The following GRID2 variants were observed in gnomAD, a reference collection of about 807,000 sequenced individuals.
GRID2 encodes glutamate receptor ionotropic, delta-2.
A neutral mutation model predicts 114.8 loss-of-function variants in GRID2; 33 were observed. The ratio of observed to expected loss-of-function variants is 0.29; its 90% CI spans 0.22 to 0.38. The LOEUF is 0.38. GRID2 is among the 10% of genes least tolerant of loss of function. The pLI, the probability that GRID2 is intolerant of heterozygous loss-of-function variation, is 1.00. For synonymous variants in GRID2, 505 were observed against 449.9 expected, an observed-to-expected ratio of 1.12 and a Z score of -1.55; for missense variants, 1,184 against 1,257.7, an observed-to-expected ratio of 0.94 and a Z score of 0.89.
chr4:93,407,778 ATCCTCCTCGTCCTCCTCCTCGTCC>A, intron 9 of GRID2, among the ~76,000 whole-genome samples: 1 of 58,678 alleles, frequency 1.7e-5, no homozygotes, highest in Non-Finnish European at 3.7e-5. Context: ...CCTCCTCCTC[ATCCTCCTCGTCCTCCTCCTCGTCC>A]TCCTCCTCTT....
intron 2 of GRID2, among the ~76,000 whole-genome samples, chr4:93,003,905 A>C (rs559823366): frequency 7.8e-4 from 118 of 152,112 alleles, no homozygotes; most frequent in African/African-American, 2.7e-3. Flanking sequence ...AAAGTTTCTG[A>C]AAACTAAAAG....
intron 14 of GRID2, among the ~76,000 whole-genome samples, chr4:93,731,177 G>A (rs1401832267): frequency 6.6e-6 from 1 of 152,176 alleles, no homozygotes; most frequent in African/African-American, 2.4e-5. Context: ...TATATGCAGT[G>A]CTCCATAAAT....
intron 14 of GRID2, among the ~76,000 whole-genome samples, chr4:93,695,991 C>T (rs1402131852): frequency 6.6e-6 from 1 of 152,144 alleles, no homozygotes; most frequent in African/African-American, 2.4e-5. Context: ...CTTGGTAAAA[C>T]CACACTATAA....
At chr4:93,690,812 T>C (rs1489865382) in intron 14 of GRID2, among the ~76,000 whole-genome samples, 2 of 151,304 alleles carry the variant, frequency 1.3e-5, no homozygotes, top group Non-Finnish European at 3.0e-5. Flanking sequence ...CATTCCAATA[T>C]AATGAAATGA....
At chr4:93,678,825 G>A (rs1259735678) in intron 14 of GRID2, among the ~76,000 whole-genome samples, 1 of 151,106 alleles carries the variant, frequency 6.6e-6, no homozygotes, top group African/African-American at 2.5e-5. Context: ...GCAAAATCAT[G>A]CCAAAATGTA....
chr4:93,690,574 T>C (rs1726470893), intron 14 of GRID2, among the ~76,000 whole-genome samples: 1 of 151,938 alleles, frequency 6.6e-6, no homozygotes, highest in Non-Finnish European at 1.5e-5. Flanking sequence ...GTCATGAGTA[T>C]ATTCTTGAGG....
At chr4:93,002,584 A>G (rs780296464) in intron 2 of GRID2, among the ~76,000 whole-genome samples, 26 of 151,684 alleles carry the variant, frequency 1.7e-4, no homozygotes, top group Non-Finnish European at 3.7e-4. Flanking sequence ...AAAAGAGAAA[A>G]TATCAAATTA....
At chr4:92,629,703 A>C (rs1354233181) in intron 2 of GRID2, among the ~76,000 whole-genome samples, 1 of 151,762 alleles carries the variant, frequency 6.6e-6, no homozygotes, top group African/African-American at 2.4e-5. Flanking sequence ...TATAAAAATT[A>C]GATTTTTAAA....
chr4:92,546,920 G>C (rs1160479566), intron 1 of GRID2, among the ~76,000 whole-genome samples: 2 of 152,132 alleles, frequency 1.3e-5, no homozygotes, highest in South Asian at 2.1e-4. Context: ...GTTGGTCTAG[G>C]CTCCCTACAT....
intron 1 of GRID2, among the ~76,000 whole-genome samples, chr4:92,473,237 A>G (rs536900496): frequency 2.0e-5 from 3 of 152,128 alleles, no homozygotes; most frequent in Admixed American, 6.5e-5. Flanking sequence ...TCTCCATTCT[A>G]CTTTATTGCT....
intron 1 of GRID2, among the ~76,000 whole-genome samples, chr4:92,463,715 A>G (rs999001404): frequency 1.3e-5 from 2 of 151,914 alleles, no homozygotes; most frequent in South Asian, 4.1e-4. Context: ...TTTTTTGTGT[A>G]GAGAATCTTG....
chr4:93,705,576 G>T (rs779182417), intron 14 of GRID2, among the ~76,000 whole-genome samples: 2 of 151,928 alleles, frequency 1.3e-5, no homozygotes, highest in Non-Finnish European at 2.9e-5. Context: ...ATATATTCTG[G>T]TTATTAATCC....
intron 1 of GRID2, among the ~76,000 whole-genome samples, chr4:92,436,147 C>G (rs1732725598): frequency 1.3e-5 from 2 of 152,120 alleles, no homozygotes; most frequent in African/African-American, 4.8e-5. Flanking sequence ...CAAAATTATT[C>G]TATTAAATTC....
chr4:93,632,550 C>T (rs187211370), intron 14 of GRID2, among the ~76,000 whole-genome samples: 251 of 152,098 alleles, frequency 1.7e-3, no homozygotes, highest in African/African-American at 5.3e-3. Context: ...TATTTCTGAG[C>T]GCTCTGTTCT....
intron 14 of GRID2, among the ~76,000 whole-genome samples, chr4:93,710,264 G>A (rs528765808): frequency 6.6e-6 from 1 of 152,250 alleles, no homozygotes. Flanking sequence ...TAAATCTTCG[G>A]TCAATGCAGC....
At chr4:93,069,503 C>T (rs1267602621) in intron 2 of GRID2, among the ~76,000 whole-genome samples, 3 of 151,694 alleles carry the variant, frequency 2.0e-5, no homozygotes, top group Non-Finnish European at 4.4e-5. Flanking sequence ...CTAGTAGCAC[C>T]CAACCCCCAA....
intron 2 of GRID2, among the ~76,000 whole-genome samples, chr4:92,684,514 A>G (rs56278860): frequency 0.081 from 12,273 of 151,976 alleles, 523 homozygotes; most frequent in East Asian, 0.089. Flanking sequence ...CAAGAACATC[A>G]TGTTAGGATT....
chr4:92,817,552 T>C (rs149583241), intron 2 of GRID2, among the ~76,000 whole-genome samples: 18 of 152,294 alleles, frequency 1.2e-4, no homozygotes, highest in African/African-American at 4.3e-4. Context: ...TGAGAATTGC[T>C]GACAATTCCT....
At chr4:93,273,809 C>G (rs897628755) in intron 8 of GRID2, among the ~76,000 whole-genome samples, 1 of 152,096 alleles carries the variant, frequency 6.6e-6, no homozygotes, top group Non-Finnish European at 1.5e-5. Flanking sequence ...AGCAAGATAA[C>G]AAAAACCTCA....
Sources: gnomAD v4.1 joint callset for allele counts (sites outside exome capture counted in the v4.1 genomes callset) on GRCh38, gnomAD v4.1.1 for gene constraint, MANE v1.5 for transcripts, NCBI Gene and HGNC (gene_info 2026-07-23, HGNC 2026-07-21) for gene names.